BACH2: variants seen among roughly 807,000 people sequenced by gnomAD.
The protein encoded by BACH2 is BACH transcriptional regulator 2, also known as transcription regulator protein BACH2.
Under a neutral mutation model 61.8 loss-of-function variants are expected in BACH2, and 5 were observed. The observed-to-expected ratio is 0.08, with a 90% CI of 0.04 to 0.17. The LOEUF is 0.17. BACH2 is among the 10% of genes least tolerant of loss of function. The pLI is 1.00. For synonymous variants in BACH2, 446 were observed against 440.1 expected (o/e 1.01, Z -0.17); for missense variants, 824 against 1,091.1 (o/e 0.76, Z 3.45).
At chr6:90,243,857 A>G (rs1446197396) in intron 3 of BACH2, among the ~76,000 whole-genome samples, 1 of 152,212 alleles carries the variant, frequency 6.6e-6, no homozygotes, top group Non-Finnish European at 1.5e-5. Context: ...TTTATGTAGT[A>G]AAATTTCATT....
At chr6:90,083,935 CTT>C (rs935206329) in intron 5 of BACH2, among the ~76,000 whole-genome samples, 12 of 152,166 alleles carry the variant, frequency 7.9e-5, no homozygotes, top group African/African-American at 2.9e-4. Context: ...TTCTTTTCCT[CTT>C]TATAAAACAT....
At chr6:90,080,797 C>A (rs571299172) in intron 5 of BACH2, 6 of 984,988 alleles carry the variant, frequency 6.1e-6, no homozygotes, top group East Asian at 1.1e-4. Flanking sequence ...AGGAAATGTT[C>A]TTTCATCGTC....
chr6:89,958,825 T>C (rs1162017785), intron 6 of BACH2, among the ~76,000 whole-genome samples: 1 of 152,116 alleles, frequency 6.6e-6, no homozygotes, highest in East Asian at 1.9e-4. Context: ...CTTCCGGCTT[T>C]TCCTCAAACG....
intron 4 of BACH2, among the ~76,000 whole-genome samples, chr6:90,097,246 C>G (rs9451355): frequency 6.7e-6 from 1 of 148,676 alleles, no homozygotes; most frequent in East Asian, 2.0e-4. Context: ...CATCTGTCCA[C>G]GAGAATTTTC....
chr6:90,082,819 A>G (rs1781780174), intron 5 of BACH2, among the ~76,000 whole-genome samples: 1 of 152,226 alleles, frequency 6.6e-6, no homozygotes, highest in Non-Finnish European at 1.5e-5. Context: ...CACTTCATCA[A>G]TAAGTTTCTG....
intron 3 of BACH2, among the ~76,000 whole-genome samples, chr6:90,224,352 C>T (rs1247522449): frequency 2.6e-5 from 4 of 152,162 alleles, no homozygotes; most frequent in Admixed American, 2.6e-4. Context: ...CAGAAGCCTC[C>T]ATCCCACAGA....
chr6:89,977,764 G>GA lies in BACH2; in HGVS notation c.244-25903dup, dbSNP rs140327503. ...GTCATTGCTGAGATACAAGGCGGTT[G>GA]AAAAAAATTACACAGCAGTGTCAGT... On this transcript the variant is annotated intron_variant, in intron 6 of 8. Transcript: ENST00000257749. 3.3e-5 allele frequency among the ~76,000 whole-genome samples: 5 copies of GA among 152,104 alleles called. No homozygotes were observed. In the East Asian group the frequency reaches 9.6e-4, roughly 29 times the overall value.
intron 5 of BACH2, among the ~76,000 whole-genome samples, chr6:90,010,899 T>C (rs1230559036): frequency 6.6e-6 from 1 of 152,246 alleles, no homozygotes; most frequent in Non-Finnish European, 1.5e-5. Context: ...AAGAAATGTC[T>C]ATTTAGATTC....
intron 6 of BACH2, among the ~76,000 whole-genome samples, chr6:89,958,203 A>G (rs972215480): frequency 5.3e-5 from 8 of 151,894 alleles, no homozygotes; most frequent in African/African-American, 1.9e-4. Context: ...CTGGCCTCGA[A>G]CTCCTGGGCT....
At chr6:90,181,772 G>C (rs1309073457) in intron 4 of BACH2, among the ~76,000 whole-genome samples, 1 of 152,004 alleles carries the variant, frequency 6.6e-6, no homozygotes, top group Non-Finnish European at 1.5e-5. Context: ...ATTGATTGTA[G>C]ACACAGTCTC....
At chr6:90,252,078 T>C (rs1237274885) in intron 3 of BACH2, among the ~76,000 whole-genome samples, 3 of 152,208 alleles carry the variant, frequency 2.0e-5, no homozygotes, top group South Asian at 2.1e-4. Flanking sequence ...AGCAGCACTA[T>C]GTTGTAACAA....
chr6:90,031,484 C>T (rs1015776117), intron 5 of BACH2, among the ~76,000 whole-genome samples: 5 of 152,094 alleles, frequency 3.3e-5, no homozygotes, highest in African/African-American at 1.2e-4. Context: ...TCTCCTTAAG[C>T]TGATAGGCAA....
chr6:90,086,890 T>C (rs1312450145), intron 5 of BACH2, among the ~76,000 whole-genome samples: 3 of 152,204 alleles, frequency 2.0e-5, no homozygotes, highest in African/African-American at 4.8e-5. Context: ...CTAGTGCTTG[T>C]TGGAGATGGT....
At chr6:90,187,196 G>A (rs1768390428) in intron 4 of BACH2, among the ~76,000 whole-genome samples, 1 of 152,150 alleles carries the variant, frequency 6.6e-6, no homozygotes, top group African/African-American at 2.4e-5. Context: ...TGACAGATCT[G>A]GAGGAAACCT....
At chr6:90,090,823 C>T (rs1018458250) in intron 4 of BACH2, among the ~76,000 whole-genome samples, 2 of 152,054 alleles carry the variant, frequency 1.3e-5, no homozygotes, top group African/African-American at 4.8e-5. Context: ...GTAGTGAGGC[C>T]TTGTATTTTC....
intron 6 of BACH2, among the ~76,000 whole-genome samples, chr6:89,954,038 AT>A (rs111765782): frequency 0.047 from 7,157 of 152,196 alleles, 556 homozygotes; most frequent in African/African-American, 0.16. Flanking sequence ...GGAAATGTGT[AT>A]TTATAGGTAA....
chr6:90,116,438 G>A (rs560621083), intron 4 of BACH2, among the ~76,000 whole-genome samples: 8 of 151,998 alleles, frequency 5.3e-5, no homozygotes, highest in South Asian at 2.1e-4. Flanking sequence ...TGGGAGCTAC[G>A]TGATAAGAAC....
chr6:90,199,742 C>T (rs1194439913), intron 4 of BACH2, among the ~76,000 whole-genome samples: 1 of 152,138 alleles, frequency 6.6e-6, no homozygotes, highest in African/African-American at 2.4e-5. Context: ...TGGCCTGGTG[C>T]CAGCAATGTT....
chr6:90,251,344 C>T (rs568550029), intron 3 of BACH2, among the ~76,000 whole-genome samples: 4 of 152,164 alleles, frequency 2.6e-5, no homozygotes, highest in South Asian at 2.1e-4. Context: ...AGATCAGGCA[C>T]GTTCAGGGTG....
Sources: allele counts gnomAD v4.1 joint callset (sites outside exome capture counted in the v4.1 genomes callset), GRCh38; gene constraint gnomAD v4.1.1; transcripts MANE v1.5; gene names NCBI Gene and HGNC (gene_info 2026-07-23, HGNC 2026-07-21).